Variants in ACACA observed in about 807,000 individuals in gnomAD.
ACACA encodes the protein acetyl-CoA carboxylase alpha.
In ACACA, 103 loss-of-function variants were observed where a neutral mutation model predicts 296.1. That is an observed-to-expected ratio of 0.35 (90% CI 0.30 to 0.41). The LOEUF is 0.41. Among genes scored for constraint, ACACA ranks in the 10% least tolerant of loss-of-function variants. The pLI, the probability that ACACA is intolerant of heterozygous loss-of-function variation, is 1.00. For missense variants in ACACA, 1,554 were observed against 2,989.7 expected (o/e 0.52, Z 11.20); for synonymous variants, 953 against 1,038.6 (o/e 0.92, Z 1.58).
intron 1 of ACACA, among the ~76,000 whole-genome samples, chr17:37,399,795 A>G (rs751099125): frequency 6.6e-6 from 1 of 152,206 alleles, no homozygotes; most frequent in Non-Finnish European, 1.5e-5. Flanking sequence ...TGAGTGTTAA[A>G]TAATGAGAGT....
Position 37,363,179 on chromosome 17 carries a change from C to CTTTTTTTT in ACACA, c.39-23337_39-23330dup, listed in dbSNP as rs902746004. Among the ~76,000 whole-genome samples, 269 of 72,824 alleles carry CTTTTTTTT rather than the reference C, an allele frequency of 3.7e-3. 1 individual carries two copies. The highest frequency in any genetic ancestry group is 4.6e-3 in the Non-Finnish European group (197 of 42,622). 47.8% of individuals were successfully genotyped at this position (72,824 alleles called of 152,430 possible). A position where few individuals can be genotyped will look rare whatever the true frequency, so the allele number is the denominator to read the frequency against. Reference sequence around the variant, plus strand: ...CTTTTTCTTTTCTCTTTCTCTTTTTCTTTTTTTTTTTTTTTTTTTTTTTGA... The same window carrying CTTTTTTTT: ...CTTTTTCTTTTCTCTTTCTCTTTTTCTTTTTTTTTTTTTTTTTTTTTTTTTTTTTTTGA... On this transcript the variant is annotated intron_variant, in intron 1 of 55. Transcript: ENST00000616317.
rs866607824 is a variant in ACACA, at chr17:37,210,178, T to A, written c.3707+289A>T. On this transcript the variant is annotated intron_variant, in intron 30 of 55. Coordinates refer to ENST00000616317, the MANE Select transcript of ACACA (RefSeq NM_198834.3). ...CAGAGAACTTAGCAAAAGAAGATGT[T>A]GCTAGCAAGGCCGGACATAAGGCAG... Among the ~76,000 whole-genome samples the A allele has an allele frequency of 4.6e-5, 7 of 152,264 alleles. No individual in the cohort carries two copies. The Middle Eastern group carries it at 0.014, about 296-fold the overall frequency.
intron 10 of ACACA, among the ~76,000 whole-genome samples, chr17:37,268,741 C>CTATCTA (rs1219982787): frequency 0.011 from 1,068 of 94,436 alleles, 5 homozygotes; most frequent in East Asian, 0.03. Context: ...ATCTATCTAT[C>CTATCTA]TATATATATA....
intron 3 of ACACA, among the ~76,000 whole-genome samples, chr17:37,304,446 T>C (rs2083771748): frequency 6.6e-6 from 1 of 152,160 alleles, no homozygotes; most frequent in African/African-American, 2.4e-5. Flanking sequence ...CATGAGCCAC[T>C]GCACTCAGCT....
At chr17:37,211,323 C>A (rs1456006788) in intron 29 of ACACA, among the ~76,000 whole-genome samples, 1 of 152,102 alleles carries the variant, frequency 6.6e-6, no homozygotes, top group Non-Finnish European at 1.5e-5. Flanking sequence ...AAAGAATGTG[C>A]CAAATCATGA....
intron 3 of ACACA, among the ~76,000 whole-genome samples, chr17:37,296,478 T>A (rs192975712): frequency 9.2e-5 from 14 of 151,574 alleles, no homozygotes; most frequent in African/African-American, 3.4e-4. Flanking sequence ...GCTAATTTTT[T>A]GTATTTTTAG....
chr17:37,092,030 G>A (rs770886943), intron 54 of ACACA, among the ~76,000 whole-genome samples: 3 of 151,826 alleles, frequency 2.0e-5, no homozygotes. Context: ...GCTCACGCCT[G>A]TTATCCCAGC....
chr17:37,277,364 G>C (rs2082324066), intron 6 of ACACA, among the ~76,000 whole-genome samples: 2 of 152,374 alleles, frequency 1.3e-5, no homozygotes, highest in Admixed American at 6.5e-5. Context: ...AGTTATACTT[G>C]TTGCTCTTTA....
At chr17:37,175,411 C>T (rs538155318) in intron 41 of ACACA, among the ~76,000 whole-genome samples, 8 of 152,310 alleles carry the variant, frequency 5.3e-5, no homozygotes, top group African/African-American at 1.9e-4. Flanking sequence ...ATTATAGCTT[C>T]CACCAAAAGA....
chr17:37,174,020 A>ATATATATATTTTTTTT (rs552735515), intron 41 of ACACA, among the ~76,000 whole-genome samples: 1 of 16,794 alleles, frequency 6.0e-5, no homozygotes, highest in Non-Finnish European at 9.9e-5. Flanking sequence ...ATATATATAT[A>ATATATATATTTTTTTT]TTTTTTTTTT....
At chr17:37,123,141 G>A (rs1215181515) in intron 48 of ACACA, among the ~76,000 whole-genome samples, 4 of 152,174 alleles carry the variant, frequency 2.6e-5, no homozygotes, top group African/African-American at 9.7e-5. Flanking sequence ...GGGTACAATA[G>A]GTCTTACTAT....
intron 1 of ACACA, chr17:37,359,041 T>A (rs2049279124): frequency 1.0e-6 from 1 of 985,766 alleles, no homozygotes; most frequent in Admixed American, 6.1e-5. Context: ...CCGGAGCCCC[T>A]GCGTGGAGGA....
At chr17:37,282,459 T>C (rs963609657) in intron 5 of ACACA, among the ~76,000 whole-genome samples, 1 of 152,166 alleles carries the variant, frequency 6.6e-6, no homozygotes, top group Non-Finnish European at 1.5e-5. Context: ...ATATATAACA[T>C]TTGCTTTCTA....
chr17:37,388,724 T>G (rs1351612904), intron 1 of ACACA: 1 of 1,612,246 alleles, frequency 6.2e-7, no homozygotes, highest in Non-Finnish European at 8.5e-7. Flanking sequence ...GTCAAAATTC[T>G]GATTGCTGTC....
intron 43 of ACACA, among the ~76,000 whole-genome samples, chr17:37,154,019 G>C (rs987246450): frequency 2.0e-5 from 3 of 152,106 alleles, no homozygotes; most frequent in Non-Finnish European, 4.4e-5. Flanking sequence ...AAAAACATGA[G>C]ACTCTAGCCA....
At chr17:37,164,199 T>C (rs1031559762) in intron 41 of ACACA, among the ~76,000 whole-genome samples, 1 of 151,864 alleles carries the variant, frequency 6.6e-6, no homozygotes, top group Admixed American at 6.6e-5. Flanking sequence ...CCCAGGCTGC[T>C]GCATATCACC....
chr17:37,190,438 A>AG (rs2077707776), intron 38 of ACACA, among the ~76,000 whole-genome samples: 1 of 152,160 alleles, frequency 6.6e-6, no homozygotes, highest in Admixed American at 6.5e-5. Context: ...AACAAAAAAA[A>AG]AAAGAAAGAA....
At position 37,330,052 on chromosome 17, in the gene ACACA, G is replaced by A. The variant is rs996109581; in HGVS notation, c.338+121C>T. On this transcript the variant is annotated intron_variant, in intron 3 of 55. Transcript: ENST00000616317. Reference sequence around the variant, plus strand: ...TCTGACTTCCTCAACAAAGCTTTGAGTTCAGTGACATAGGAAAAGGCAAAG... The same window carrying A: ...TCTGACTTCCTCAACAAAGCTTTGAATTCAGTGACATAGGAAAAGGCAAAG... The A allele has an allele frequency of 2.4e-6, 3 of 1,265,602 alleles. No homozygotes were observed. In the Admixed American group the frequency reaches 5.4e-5, roughly 23 times the overall value. The allele number at this position is 1,265,602 out of a possible 1,614,324, so 78.4% of individuals were successfully genotyped here.
At chr17:37,260,476 A>G (rs1346888754) in intron 11 of ACACA, among the ~76,000 whole-genome samples, 4 of 147,978 alleles carry the variant, frequency 2.7e-5, no homozygotes, top group East Asian at 4.0e-4. Context: ...GCTAATTTTT[A>G]TATCTTTAGT....
Sources: allele counts gnomAD v4.1 joint callset (sites outside exome capture counted in the v4.1 genomes callset), GRCh38; gene constraint gnomAD v4.1.1; transcripts MANE v1.5; gene names NCBI Gene and HGNC (gene_info 2026-07-23, HGNC 2026-07-21).